GMEB2: variants seen among roughly 807,000 people sequenced by gnomAD.
GMEB2 encodes the protein glucocorticoid modulatory element-binding protein 2.
A neutral mutation model predicts 45.7 loss-of-function variants in GMEB2; 7 were observed. The ratio of observed to expected loss-of-function variants is 0.15; its 90% CI spans 0.09 to 0.29. The LOEUF is 0.29. Ranked by LOEUF, GMEB2 falls within the 10% of genes least tolerant of loss-of-function variation. GMEB2 has a pLI of 1.00. For synonymous variants in GMEB2, 322 were observed against 323.6 expected, an observed-to-expected ratio of 1.00 and a Z score of 0.05; for missense variants, 582 against 739.2, an observed-to-expected ratio of 0.79 and a Z score of 2.47.
chr20:63,610,174 A>G (rs1347623463), intron 2 of GMEB2, among the ~76,000 whole-genome samples: 2 of 152,234 alleles, frequency 1.3e-5, no homozygotes, highest in African/African-American at 4.8e-5. Flanking sequence ...GCACCTCATA[A>G]CAGCCAACTG....
chr20:63,619,262 C>T lies in GMEB2; in HGVS notation c.131+5G>A. On this transcript the variant is annotated splice_donor_5th_base_variant and intron_variant, in intron 2 of 9. Coordinates refer to ENST00000370077, the MANE Select transcript of GMEB2 (RefSeq NM_012384.5). The surrounding 1 kb of genome is among the most constrained non-coding windows in gnomAD (Gnocchi z 4.6). Reference sequence around the variant, plus strand: ...AGCCCCAATGGCACCGAGGCCCGAGCTTACCCGTGAGGGGCCAAGTTGGTC... The same window carrying T: ...AGCCCCAATGGCACCGAGGCCCGAGTTTACCCGTGAGGGGCCAAGTTGGTC... 2 of 1,608,132 alleles carry T rather than the reference C, an allele frequency of 1.2e-6. No individual in the cohort carries two copies. Among genetic ancestry groups the T allele is most frequent in the Non-Finnish European group, 8.5e-7 (1 of 1,178,378 alleles).
chr20:63,626,713 G>C (rs1268814274), intron 1 of GMEB2, among the ~76,000 whole-genome samples: 1 of 150,266 alleles, frequency 6.7e-6, no homozygotes, highest in South Asian at 2.1e-4. Context: ...GCCCGCGCCC[G>C]CCCGCGGCGC....
At chr20:63,612,219 G>C (rs899983302) in intron 2 of GMEB2, among the ~76,000 whole-genome samples, 1 of 152,236 alleles carries the variant, frequency 6.6e-6, no homozygotes, top group East Asian at 1.9e-4. Context: ...CCTGGGCTAT[G>C]GTTGTCACTC....
intron 9 of GMEB2, among the ~76,000 whole-genome samples, 193 bp downstream of exon 9, chr20:63,591,829 T>C (rs1011905034): frequency 6.6e-6 from 1 of 152,242 alleles, no homozygotes; most frequent in African/African-American, 2.4e-5. Flanking sequence ...GTAAGCTTAG[T>C]GCAATGGAGA....
chr20:63,621,160 G>A (rs187208990), intron 1 of GMEB2, among the ~76,000 whole-genome samples: 25 of 152,276 alleles, frequency 1.6e-4, no homozygotes, highest in Admixed American at 3.9e-4. Context: ...TCACACCACC[G>A]CACTCCAGTC....
intron 5 of GMEB2, 37 bp downstream of exon 5, chr20:63,597,720 C>G: frequency 8.7e-7 from 1 of 1,155,482 alleles, no homozygotes. Flanking sequence ...GCCAGGGCCC[C>G]TTCCAGCAGG....
At chr20:63,597,494 C>T (rs2083208829) in intron 5 of GMEB2, among the ~76,000 whole-genome samples, 1 of 152,166 alleles carries the variant, frequency 6.6e-6, no homozygotes, top group Admixed American at 6.5e-5. Flanking sequence ...GAAACAGTCA[C>T]AAGTGCCTTC....
chr20:63,604,635 C>A, intron 3 of GMEB2, 108 bp downstream of exon 3: 1 of 741,804 alleles, frequency 1.3e-6, no homozygotes, highest in South Asian at 1.5e-5. Flanking sequence ...GGGAATCAGC[C>A]CGAACAAAGA....
In GMEB2 at chr20:63,592,764, C is replaced by G; in HGVS notation, c.692-94G>C. 3 of 1,070,100 alleles carry G rather than the reference C, an allele frequency of 2.8e-6. No individual in the cohort carries two copies. Among genetic ancestry groups the G allele is most frequent in the Non-Finnish European group, 4.3e-6 (3 of 696,416 alleles). 66.3% of individuals were successfully genotyped at this position (1,070,100 alleles called of 1,614,324 possible). Reference sequence around the variant, plus strand: ...AAGGACATCACCATAGCCACGAGGACACCATGCCAGAGCCGGCAGCGCCTG... The same window carrying G: ...AAGGACATCACCATAGCCACGAGGAGACCATGCCAGAGCCGGCAGCGCCTG... On this transcript the variant is annotated intron_variant, in intron 7 of 9. Coordinates refer to ENST00000370077, the MANE Select transcript of GMEB2 (RefSeq NM_012384.5). The surrounding 1 kb of genome is among the most constrained non-coding windows in gnomAD (Gnocchi z 8.2).
At position 63,590,022 on chromosome 20, in the gene GMEB2, G is replaced by A. The variant is rs556258139; in HGVS notation, c.*67C>T. On this transcript the variant is annotated 3_prime_UTR_variant, in exon 10 of 10. Coordinates refer to ENST00000370077, the MANE Select transcript of GMEB2 (RefSeq NM_012384.5). ...CGAGCCAGCCCTGCGGCCTCTGCCC[G>A]CTCCCTGCTGCCGCGGCTGAGAGAC... 4.4e-5 allele frequency: 62 copies of A among 1,401,770 alleles called. No homozygotes were observed. The East Asian group carries it at 8.4e-4, about 19-fold the overall frequency. The allele number at this position is 1,401,770 out of a possible 1,614,324, so 86.8% of individuals were successfully genotyped here.
At chr20:63,591,550 T>A (rs1191268983) in intron 9 of GMEB2, among the ~76,000 whole-genome samples, 1 of 152,144 alleles carries the variant, frequency 6.6e-6, no homozygotes, top group Non-Finnish European at 1.5e-5. Context: ...CCCTGCAACT[T>A]CCACCTCCTG....
At chr20:63,599,766 G>A (rs565901581) in intron 4 of GMEB2, among the ~76,000 whole-genome samples, 37 of 152,294 alleles carry the variant, frequency 2.4e-4, no homozygotes, top group Middle Eastern at 3.4e-3. Context: ...TGCCAGGATA[G>A]TCCAGGGAGC....
At chr20:63,615,145 C>T (rs1031743421) in intron 2 of GMEB2, among the ~76,000 whole-genome samples, 1 of 152,084 alleles carries the variant, frequency 6.6e-6, no homozygotes. Context: ...TAGTGAATTG[C>T]GATCCTCCAA....
chr20:63,592,473 C>A lies in GMEB2; in HGVS notation c.829+60G>T. On this transcript the variant is annotated intron_variant, in intron 8 of 9. Transcript: ENST00000370077. This position sits in a 1 kb window ranked among gnomAD's most constrained non-coding sequence, Gnocchi z 8.2. ...CTAGGGGCAGGAGGGCCAGTGGCCT[C>A]ACCTCCTGCAGAGACTCCTGGGCTG... is the stretch of plus-strand genomic sequence containing the variant. 1.4e-6 allele frequency: 2 copies of A among 1,384,534 alleles called. No homozygotes were observed. Among genetic ancestry groups the A allele is most frequent in the East Asian group, 2.3e-5 (1 of 43,482 alleles). 85.8% of individuals were successfully genotyped at this position (1,384,534 alleles called of 1,614,324 possible).
intron 2 of GMEB2, among the ~76,000 whole-genome samples, chr20:63,616,946 C>T (rs1357412033): frequency 1.3e-5 from 2 of 151,980 alleles, no homozygotes; most frequent in East Asian, 3.9e-4. Context: ...TATAAGTTGG[C>T]CCTCATCCAG....
rs118092102 is a variant in GMEB2 at position 63,591,186 on chromosome 20, T to C, written c.953-457A>G. Reference sequence around the variant, plus strand: ...TTAAACATAAACATGCACACACACATGCAGAGTGCACACACACAATGAACA... The same window carrying C: ...TTAAACATAAACATGCACACACACACGCAGAGTGCACACACACAATGAACA... On this transcript the variant is annotated intron_variant, in intron 9 of 9. Coordinates refer to ENST00000370077, the MANE Select transcript of GMEB2 (RefSeq NM_012384.5). Among the ~76,000 whole-genome samples, 835 of 151,680 alleles carry C rather than the reference T, an allele frequency of 5.5e-3. 29 individuals are homozygous for C. The East Asian group carries it at 0.1, about 19-fold the overall frequency.
chr20:63,612,979 G>A (rs954178883), intron 2 of GMEB2, among the ~76,000 whole-genome samples: 4 of 148,574 alleles, frequency 2.7e-5, no homozygotes, highest in Admixed American at 6.7e-5. Context: ...TTTTTTTTTC[G>A]GAGACGCAGT....
rs1299640522 is a variant in GMEB2 at position 63,593,637 on chromosome 20, T to G, written c.620-555A>C. ...CTGGCTCTTCCTGTGGGTCCCTCTCTCGCGCCTGCAGAACACAACTGGGCG... is the reference window on the plus strand; with the variant it reads ...CTGGCTCTTCCTGTGGGTCCCTCTCGCGCGCCTGCAGAACACAACTGGGCG... On this transcript the variant is annotated intron_variant, in intron 6 of 9. Transcript: ENST00000370077. The surrounding 1 kb of genome is among the most constrained non-coding windows in gnomAD (Gnocchi z 4.7). Among the ~76,000 whole-genome samples, 1 of 152,146 alleles carries G rather than the reference T, an allele frequency of 6.6e-6. No homozygotes were observed. The highest frequency in any genetic ancestry group is 1.5e-5 in the Non-Finnish European group (1 of 68,026).
intron 2 of GMEB2, among the ~76,000 whole-genome samples, chr20:63,615,458 C>G (rs1217898987): frequency 1.3e-5 from 2 of 152,108 alleles, no homozygotes; most frequent in Non-Finnish European, 2.9e-5. Context: ...TCCCATGCAG[C>G]TGGGACCATA....
Sources: gnomAD v4.1 joint callset for allele counts (sites outside exome capture counted in the v4.1 genomes callset) on GRCh38, gnomAD v4.1.1 for gene constraint, Gnocchi (gnomAD v3.1) non-coding constraint, MANE v1.5 for transcripts, NCBI Gene and HGNC (gene_info 2026-07-23, HGNC 2026-07-21) for gene names.